DPP10: variants seen among roughly 807,000 people sequenced by gnomAD.
DPP10 encodes dipeptidyl peptidase like 10.
A neutral mutation model predicts 120.9 loss-of-function variants in DPP10; 33 were observed. The observed-to-expected ratio is 0.27, with a 90% CI of 0.21 to 0.37. The LOEUF (loss-of-function observed/expected upper bound fraction) is 0.37. Among genes scored for constraint, DPP10 ranks in the 10% least tolerant of loss-of-function variants. DPP10 has a pLI of 1.00. For synonymous variants in DPP10, 337 were observed against 326.1 expected (o/e 1.03, Z -0.36); for missense variants, 816 against 942.8 (o/e 0.87, Z 1.76).
At chr2:114,477,969 A>G (rs549246334) in intron 1 of DPP10, among the ~76,000 whole-genome samples, 12 of 149,896 alleles carry the variant, frequency 8.0e-5, no homozygotes, top group African/African-American at 2.7e-4. Context: ...GTATATGTAT[A>G]TATGTGTATA....
intron 3 of DPP10, among the ~76,000 whole-genome samples, chr2:115,353,662 A>G (rs1368655600): frequency 6.6e-6 from 1 of 152,158 alleles, no homozygotes; most frequent in African/African-American, 2.4e-5. Context: ...GGACACTTCT[A>G]CATATGCTAT....
chr2:115,446,114 G>T (rs1352314132), intron 3 of DPP10, among the ~76,000 whole-genome samples: 1 of 152,252 alleles, frequency 6.6e-6, no homozygotes, highest in Non-Finnish European at 1.5e-5. Flanking sequence ...AACTCAGGCT[G>T]TTGCTTCAGA....
intron 3 of DPP10, among the ~76,000 whole-genome samples, chr2:115,350,821 A>ATTGTAC (rs2063978281): frequency 6.6e-6 from 1 of 152,074 alleles, no homozygotes; most frequent in East Asian, 1.9e-4. Flanking sequence ...TATATTACAA[A>ATTGTAC]CCTAAATAGT....
At chr2:115,078,682 T>C (rs1707990959) in intron 1 of DPP10, among the ~76,000 whole-genome samples, 1 of 152,220 alleles carries the variant, frequency 6.6e-6, no homozygotes, top group Non-Finnish European at 1.5e-5. Flanking sequence ...GCTAACCTAA[T>C]CAATTCTGAG....
chr2:114,461,538 T>A (rs1678916250), intron 1 of DPP10: 1 of 973,822 alleles, frequency 1.0e-6, no homozygotes, highest in Admixed American at 6.2e-5. Context: ...CCTCCAATAA[T>A]GATCAACCTC....
At chr2:114,655,688 T>C (rs1370208146) in intron 1 of DPP10, among the ~76,000 whole-genome samples, 2 of 152,300 alleles carry the variant, frequency 1.3e-5, no homozygotes, top group South Asian at 4.1e-4. Flanking sequence ...GGTAAAATTG[T>C]TCTTAAAGCA....
intron 1 of DPP10, among the ~76,000 whole-genome samples, chr2:115,228,090 T>C (rs2057531467): frequency 6.6e-6 from 1 of 151,888 alleles, no homozygotes; most frequent in Admixed American, 6.6e-5. Context: ...GCCTTGCTGA[T>C]TTTTTTGTGT....
intron 7 of DPP10, among the ~76,000 whole-genome samples, chr2:115,698,627 A>G (rs552753300): frequency 6.6e-6 from 1 of 152,324 alleles, no homozygotes; most frequent in Admixed American, 6.5e-5. Context: ...CTCTCTGTGC[A>G]TACTCAAAGG....
At chr2:115,334,230 GTTTTTT>G in intron 2 of DPP10, among the ~76,000 whole-genome samples, 1 of 56,412 alleles carries the variant, frequency 1.8e-5, no homozygotes, top group African/African-American at 4.9e-5. Context: ...AGCAGACTCT[GTTTTTT>G]TTTTTTTTTT....
intron 1 of DPP10, among the ~76,000 whole-genome samples, chr2:114,778,462 A>G (rs1444171869): frequency 1.3e-5 from 2 of 151,988 alleles, no homozygotes; most frequent in African/African-American, 2.4e-5. Context: ...ACCAACATAA[A>G]TATTTATTTC....
At chr2:115,700,525 C>G (rs1316012623) in intron 7 of DPP10, among the ~76,000 whole-genome samples, 1 of 151,988 alleles carries the variant, frequency 6.6e-6, no homozygotes, top group African/African-American at 2.4e-5. Flanking sequence ...AGATAAGAAA[C>G]AAGGCAAGGA....
rs76286764 is a variant in DPP10, at chr2:115,749,113, G to A, written c.950+2930G>A. On this transcript the variant is annotated intron_variant, in intron 10 of 25. Coordinates refer to ENST00000410059, the MANE Select transcript of DPP10 (RefSeq NM_020868.6). ...ATGGGTTATCTCATCTTGGAAGGAA[G>A]AAACATTTTGTCAAATTGTTGTACT... Among the ~76,000 whole-genome samples the A allele has an allele frequency of 2.6e-3, 398 of 152,252 alleles. 2 individuals are homozygous for A. Among genetic ancestry groups the A allele is most frequent in the African/African-American group, 9.3e-3 (387 of 41,570 alleles).
Position 115,455,062 on chromosome 2 carries a change from A to G in DPP10, c.272-44448A>G, listed in dbSNP as rs546210189. On this transcript the variant is annotated intron_variant, in intron 3 of 25. Transcript: ENST00000410059. ...TAATTATAATGAATATGAAATAAATATAAATATGTAAAATAACATCACAAA... is the reference window on the plus strand; with the variant it reads ...TAATTATAATGAATATGAAATAAATGTAAATATGTAAAATAACATCACAAA... Among the ~76,000 whole-genome samples the G allele has an allele frequency of 3.7e-4, 56 of 151,280 alleles. 1 individual carries two copies. The highest frequency in any genetic ancestry group is 6.8e-3 in the Middle Eastern group (2 of 292).
chr2:114,988,375 G>A (rs1700555434), intron 1 of DPP10, among the ~76,000 whole-genome samples: 1 of 152,118 alleles, frequency 6.6e-6, no homozygotes, highest in African/African-American at 2.4e-5. Context: ...TTACTAAAAG[G>A]ATAAATAAGC....
At chr2:114,672,444 T>G (rs959241367) in intron 1 of DPP10, among the ~76,000 whole-genome samples, 1 of 152,194 alleles carries the variant, frequency 6.6e-6, no homozygotes, top group Non-Finnish European at 1.5e-5. Context: ...CATGAGTGAA[T>G]AGTTTGCACT....
At chr2:114,848,161 C>A (rs942055376) in intron 1 of DPP10, among the ~76,000 whole-genome samples, 4 of 152,114 alleles carry the variant, frequency 2.6e-5, no homozygotes, top group Admixed American at 6.6e-5. Context: ...ATGAATCTGG[C>A]CAACAAGTAG....
chr2:115,530,901 A>G (rs2078423153), intron 5 of DPP10, among the ~76,000 whole-genome samples: 1 of 152,118 alleles, frequency 6.6e-6, no homozygotes, highest in East Asian at 1.9e-4. Context: ...GTTGAAGACC[A>G]TTGAATTTAA....
At position 115,080,198 on chromosome 2, in the gene DPP10, A is replaced by C. The variant is rs558081332; in HGVS notation, c.61-229041A>C. ...AAGCCTGGCTAATTTCTGTGTTCTT[A>C]GTAGAGACAGGGTTTCACTATATTG... On this transcript the variant is annotated intron_variant, in intron 1 of 25. Transcript: ENST00000410059. 3.3e-5 allele frequency among the ~76,000 whole-genome samples: 5 copies of C among 152,218 alleles called. No homozygotes were observed. In the East Asian group the frequency reaches 9.7e-4, roughly 29 times the overall value.
intron 7 of DPP10, among the ~76,000 whole-genome samples, chr2:115,719,108 G>T (rs940464068): frequency 6.6e-6 from 1 of 152,070 alleles, no homozygotes; most frequent in African/African-American, 2.4e-5. Context: ...AACTGACATA[G>T]CCAAGAGAAA....
Sources: gnomAD v4.1 joint callset for allele counts (sites outside exome capture counted in the v4.1 genomes callset) on GRCh38, gnomAD v4.1.1 for gene constraint, MANE v1.5 for transcripts, NCBI Gene and HGNC (gene_info 2026-07-23, HGNC 2026-07-21) for gene names.